Variants in DBT observed in about 807,000 individuals in gnomAD.
DBT encodes lipoamide acyltransferase component of branched-chain alpha-keto acid dehydrogenase complex, mitochondrial.
A neutral mutation model predicts 51.3 loss-of-function variants in DBT; 40 were observed. The observed-to-expected ratio is 0.78, with a 90% confidence interval of 0.61 to 1.02. The LOEUF (loss-of-function observed/expected upper bound fraction) is 1.02. DBT is among the 50% of genes least tolerant of loss of function. The pLI, the probability that DBT is intolerant of heterozygous loss-of-function variation, is 0.00. For missense variants in DBT, 510 were observed against 580.2 expected, an observed-to-expected ratio of 0.88 and a Z score of 1.24; for synonymous variants, 181 against 190.4, an observed-to-expected ratio of 0.95 and a Z score of 0.41.
intron 1 of DBT, among the ~76,000 whole-genome samples, chr1:100,241,678 C>T (rs560674307): frequency 2.0e-5 from 3 of 152,240 alleles, no homozygotes; most frequent in East Asian, 1.9e-4. Context: ...ATTACAGGTG[C>T]GAGCCACCAT....
chr1:100,214,024 GCA>G (rs1662337822), intron 7 of DBT, among the ~76,000 whole-genome samples: 1 of 151,676 alleles, frequency 6.6e-6, no homozygotes, highest in Admixed American at 6.6e-5. Context: ...GGTAGCTGCT[GCA>G]CAGTCACTAA....
At chr1:100,199,274 C>T (rs535970963) in intron 10 of DBT, among the ~76,000 whole-genome samples, 3 of 152,238 alleles carry the variant, frequency 2.0e-5, no homozygotes, top group East Asian at 3.9e-4. Context: ...GGGTTCTGCC[C>T]CTAAGGTAAA....
At chr1:100,213,847 G>GC (rs973557702) in intron 7 of DBT, among the ~76,000 whole-genome samples, 2 of 151,672 alleles carry the variant, frequency 1.3e-5, no homozygotes, top group Non-Finnish European at 2.9e-5. Context: ...TGCTGCTCCT[G>GC]CCCCAGGCTC....
chr1:100,215,577 G>A (rs1167333684), intron 6 of DBT, among the ~76,000 whole-genome samples: 1 of 152,102 alleles, frequency 6.6e-6, no homozygotes, highest in African/African-American at 2.4e-5. Context: ...TCCCTGCACT[G>A]TGGGAGGCTG....
At chr1:100,209,541 A>C (rs72973755) in intron 8 of DBT, among the ~76,000 whole-genome samples, 3,959 of 151,922 alleles carry the variant, frequency 0.026, 190 homozygotes, top group African/African-American at 0.09. Flanking sequence ...CTGGTTGTAC[A>C]TGTCTTTTCT....
chr1:100,235,503 C>T lies in DBT; in HGVS notation c.184G>A (p.Gly62Arg). 6.3e-7 allele frequency: 1 copy of T among 1,577,652 alleles called. No homozygotes were observed. The change falls in exon 3 of 11, where the codon GGA (glycine) becomes AGA (arginine). Residue 62 changes from glycine to arginine, a missense_variant. Transcript: ENST00000370132. ...HFLKTTAALR[G>R]QVVQFKLSDI... ...GAGAGCTTGAACTGAACAACCTGTC[C>T]ACGGAGAGCTTCAAAGACAAATGAG...
intron 10 of DBT, among the ~76,000 whole-genome samples, chr1:100,200,875 G>A (rs1381755915): frequency 6.6e-6 from 1 of 152,118 alleles, no homozygotes; most frequent in East Asian, 1.9e-4. Context: ...TCAACAAAAA[G>A]GACGACCATG....
At chr1:100,211,156 G>C (rs753089171) in intron 7 of DBT, 2 of 777,510 alleles carry the variant, frequency 2.6e-6, no homozygotes, top group East Asian at 4.8e-5. Context: ...AAGCAGGTAA[G>C]CTATTTCTCT....
chr1:100,248,234 T>C (rs771193189), intron 1 of DBT, among the ~76,000 whole-genome samples: 37 of 152,096 alleles, frequency 2.4e-4, no homozygotes, highest in Non-Finnish European at 4.7e-4. Context: ...AAAGAAGAAG[T>C]CGTAGCAGCC....
intron 2 of DBT, among the ~76,000 whole-genome samples, chr1:100,239,504 C>T (rs1664082003): frequency 6.6e-6 from 1 of 151,768 alleles, no homozygotes; most frequent in African/African-American, 2.4e-5. Flanking sequence ...TGGCTGGGAA[C>T]AGTGGCTCAC....
In DBT at chr1:100,191,153, G is replaced by GTA. The variant is rs200067204; in HGVS notation, c.*5100_*5101dup. 2.6e-5 allele frequency: 4 copies of GTA among 152,142 alleles called. No individual in the cohort carries two copies. In the East Asian group the frequency reaches 7.7e-4, roughly 29 times the overall value. The allele number at this position is 152,142 out of a possible 1,614,324, so 9.4% of individuals were successfully genotyped here. ...AAGAGTAGAGCATTAAAGCTAGTGA[G>GTA]TATATTAACACGCAAACATTTTAAG... On this transcript the variant is annotated 3_prime_UTR_variant, in exon 11 of 11. Coordinates refer to ENST00000370132, the MANE Select transcript of DBT (RefSeq NM_001918.5).
At chr1:100,209,721 C>A (rs1239435579) in intron 8 of DBT, among the ~76,000 whole-genome samples, 1 of 152,030 alleles carries the variant, frequency 6.6e-6, no homozygotes, top group Non-Finnish European at 1.5e-5. Flanking sequence ...GCCACCACGG[C>A]TGGCTAATTT....
At chr1:100,198,376 G>GT (rs1265902957) in intron 10 of DBT, among the ~76,000 whole-genome samples, 1 of 152,172 alleles carries the variant, frequency 6.6e-6, no homozygotes, top group African/African-American at 2.4e-5. Flanking sequence ...CAGAGTTTCA[G>GT]TTTGGGATAA....
chr1:100,211,687 A>G (rs1662154275), intron 7 of DBT, among the ~76,000 whole-genome samples: 2 of 152,236 alleles, frequency 1.3e-5, no homozygotes, highest in African/African-American at 4.8e-5. Flanking sequence ...TTCATTAGTT[A>G]GGACAGGTTA....
rs147082702 is a variant in DBT at position 100,237,852 on chromosome 1, G to C, written c.176-2341C>G. Among the ~76,000 whole-genome samples the C allele has an allele frequency of 4.9e-3, 741 of 152,106 alleles. 11 individuals carry two copies. The highest frequency in any genetic ancestry group is 0.017 in the African/African-American group (714 of 41,512). ...GAGGTCTCACTTTTCTGTGGCCCAG[G>C]CTGGTCTTGAACTCCTGGCCTCAAG... On this transcript the variant is annotated intron_variant, in intron 2 of 10. Coordinates refer to ENST00000370132, the MANE Select transcript of DBT (RefSeq NM_001918.5).
chr1:100,213,686 C>T lies in DBT; in HGVS notation c.939+1131G>A, dbSNP rs552553661. ...CTTCGCTTAAAGGGAACACCAGGCT[C>T]GGCCTTTCCTACACCCAGCTCTCTT... On this transcript the variant is annotated intron_variant, in intron 7 of 10. Coordinates refer to ENST00000370132, the MANE Select transcript of DBT (RefSeq NM_001918.5). The T allele has an allele frequency of 1.7e-3, 2,731 of 1,607,070 alleles. 1 individual carries two copies. The highest frequency in any genetic ancestry group is 2.2e-3 in the Non-Finnish European group (2,628 of 1,177,086).
chr1:100,243,762 C>T (rs1031729683), intron 1 of DBT, among the ~76,000 whole-genome samples: 1 of 152,014 alleles, frequency 6.6e-6, no homozygotes, highest in Non-Finnish European at 1.5e-5. Context: ...AGCTCTGAAG[C>T]TAAATAAATT....
rs925309876 is a variant in DBT at position 100,193,947 on chromosome 1, G to A, written c.*2308C>T. On this transcript the variant is annotated 3_prime_UTR_variant, in exon 11 of 11. Transcript: ENST00000370132. ...ACAATGTGGAATTGTTTATTGACAT[G>A]TAAGGTTACCCATAATATAATGTTA... The A allele has an allele frequency of 6.6e-6, 1 of 152,146 alleles. No homozygotes were observed. Among genetic ancestry groups the A allele is most frequent in the Non-Finnish European group, 1.5e-5 (1 of 68,030 alleles). 9.4% of individuals were successfully genotyped at this position (152,146 alleles called of 1,614,324 possible).
intron 6 of DBT, 147 bp from the exon 7 acceptor site, chr1:100,215,130 C>T (rs1050637642): frequency 1.5e-6 from 1 of 648,946 alleles, no homozygotes; most frequent in Non-Finnish European, 2.7e-6. Flanking sequence ...CTCTTCATTA[C>T]ATTACACTGA....
Sources: allele counts gnomAD v4.1 joint callset (sites outside exome capture counted in the v4.1 genomes callset), GRCh38; gene constraint gnomAD v4.1.1; transcripts MANE v1.5; gene names NCBI Gene and HGNC (gene_info 2026-07-23, HGNC 2026-07-21).